MSRA: variants seen among roughly 807,000 people sequenced by gnomAD.
MSRA encodes methionine sulfoxide reductase A.
In MSRA, 54 loss-of-function variants were observed where a neutral mutation model predicts 31.3. The ratio of observed to expected loss-of-function variants is 1.73; its 90% CI spans 1.39 to 2.17. The LOEUF (loss-of-function observed/expected upper bound fraction) is 2.17, where lower values mean the gene tolerates loss of function less well. Among genes scored for constraint, MSRA ranks in the 30% most tolerant of loss-of-function variants. The probability of loss-of-function intolerance (pLI) is 0.00; values close to 1 mark genes in which losing one functional copy is unlikely to be tolerated. For missense variants in MSRA, 507 were observed against 300.9 expected (o/e 1.69, Z -5.07); for synonymous variants, 169 against 116.5 (o/e 1.45, Z -2.90).
intron 1 of MSRA, among the ~76,000 whole-genome samples, chr8:10,070,658 C>T (rs952616133): frequency 6.6e-6 from 1 of 152,218 alleles, no homozygotes; most frequent in Non-Finnish European, 1.5e-5. Context: ...CCTTCTTCCT[C>T]ACCCCCTGCC....
intron 5 of MSRA, among the ~76,000 whole-genome samples, chr8:10,334,306 C>G (rs1359472429): frequency 1.3e-5 from 2 of 151,982 alleles, no homozygotes; most frequent in Non-Finnish European, 1.5e-5. Flanking sequence ...AGCATTTCAG[C>G]TAGGGTAGGG....
At chr8:10,225,466 C>G (rs901015108) in intron 2 of MSRA, among the ~76,000 whole-genome samples, 2 of 152,180 alleles carry the variant, frequency 1.3e-5, no homozygotes, top group African/African-American at 4.8e-5. Flanking sequence ...AATATAAATA[C>G]TTGTTAGATG....
intron 5 of MSRA, among the ~76,000 whole-genome samples, chr8:10,410,546 A>AC (rs746765616): frequency 6.6e-6 from 1 of 152,202 alleles, no homozygotes; most frequent in Non-Finnish European, 1.5e-5. Flanking sequence ...CTTCCTCAAA[A>AC]CAGCACTGAG....
chr8:10,358,199 G>A lies in MSRA; in HGVS notation c.543+38210G>A, dbSNP rs536784756. Among the ~76,000 whole-genome samples, 12 of 152,304 alleles carry A rather than the reference G, an allele frequency of 7.9e-5. No individual in the cohort carries two copies. The South Asian group carries it at 2.5e-3, about 32-fold the overall frequency. On this transcript the variant is annotated intron_variant, in intron 5 of 5. Coordinates refer to ENST00000317173, the MANE Select transcript of MSRA (RefSeq NM_012331.5). ...CCACCTTGGCCTCCCAAAGTGCTGG[G>A]ATTGCAGGTGTGAGCCACCATGCCT...
intron 1 of MSRA, among the ~76,000 whole-genome samples, chr8:10,169,315 C>G (rs1179603812): frequency 6.6e-6 from 1 of 152,190 alleles, no homozygotes; most frequent in East Asian, 1.9e-4. Flanking sequence ...CTTGCCTTAA[C>G]TGAGGGAAGT....
chr8:10,151,470 C>T (rs1416956880), intron 1 of MSRA, among the ~76,000 whole-genome samples: 2 of 151,506 alleles, frequency 1.3e-5, no homozygotes, highest in African/African-American at 2.4e-5. Flanking sequence ...GGTGAAACCC[C>T]GTCTCTACTA....
At chr8:10,309,235 TC>T in intron 4 of MSRA, among the ~76,000 whole-genome samples, 1 of 152,382 alleles carries the variant, frequency 6.6e-6, no homozygotes, top group African/African-American at 2.4e-5. Flanking sequence ...TTAAATGTTT[TC>T]TCGTTGAACT....
At chr8:10,265,735 C>T (rs988604106) in intron 3 of MSRA, among the ~76,000 whole-genome samples, 11 of 152,234 alleles carry the variant, frequency 7.2e-5, no homozygotes, top group African/African-American at 1.9e-4. Flanking sequence ...AAAGTTACCT[C>T]GCATGCCTTC....
intron 5 of MSRA, among the ~76,000 whole-genome samples, chr8:10,421,013 C>G (rs775623187): frequency 3.0e-4 from 45 of 152,204 alleles, no homozygotes; most frequent in Non-Finnish European, 4.9e-4. Context: ...CAAACCACCA[C>G]CAAAAACCAA....
intron 5 of MSRA, among the ~76,000 whole-genome samples, chr8:10,325,785 C>T (rs1026180560): frequency 6.6e-6 from 1 of 152,184 alleles, no homozygotes; most frequent in Non-Finnish European, 1.5e-5. Flanking sequence ...CTGCTTTATT[C>T]ACTGAGGGAA....
chr8:10,160,488 C>G (rs572644942), intron 1 of MSRA, among the ~76,000 whole-genome samples: 7 of 150,590 alleles, frequency 4.6e-5, no homozygotes, highest in African/African-American at 1.7e-4. Flanking sequence ...GAGCGAGACT[C>G]CATCTAAAAA....
At chr8:10,158,162 C>A (rs76235194) in intron 1 of MSRA, among the ~76,000 whole-genome samples, 4,734 of 152,272 alleles carry the variant, frequency 0.031, 138 homozygotes, top group African/African-American at 0.068. Flanking sequence ...ATCCTCATGA[C>A]TGACTAATAA....
At chr8:10,065,836 C>T (rs988044242) in intron 1 of MSRA, among the ~76,000 whole-genome samples, 2 of 152,158 alleles carry the variant, frequency 1.3e-5, no homozygotes, top group Middle Eastern at 3.4e-3. Flanking sequence ...GGAACACAGT[C>T]GCCCTGCTAT....
chr8:10,325,556 T>G (rs1393380961), intron 5 of MSRA, among the ~76,000 whole-genome samples: 1 of 152,240 alleles, frequency 6.6e-6, no homozygotes, highest in Non-Finnish European at 1.5e-5. Context: ...TATGAGGCCC[T>G]TTTAAGTTTT....
intron 3 of MSRA, among the ~76,000 whole-genome samples, chr8:10,274,080 G>T (rs962771537): frequency 6.6e-6 from 1 of 152,158 alleles, no homozygotes; most frequent in African/African-American, 2.4e-5. Context: ...ACAGGGGTTA[G>T]CATCAAGGCA....
chr8:10,300,857 C>G (rs1474003336), intron 3 of MSRA, among the ~76,000 whole-genome samples: 1 of 152,094 alleles, frequency 6.6e-6, no homozygotes, highest in Admixed American at 6.5e-5. Flanking sequence ...CACCCCTGAT[C>G]CACCAAACCT....
chr8:10,389,187 G>A (rs1806580617), intron 5 of MSRA, among the ~76,000 whole-genome samples: 1 of 152,136 alleles, frequency 6.6e-6, no homozygotes, highest in Admixed American at 6.5e-5. Context: ...GTTTCTCTGT[G>A]GAAAAGGACC....
At chr8:10,183,285 C>T (rs1294690370) in intron 1 of MSRA, among the ~76,000 whole-genome samples, 2 of 152,194 alleles carry the variant, frequency 1.3e-5, no homozygotes, top group Non-Finnish European at 2.9e-5. Flanking sequence ...AGGCTTAGGA[C>T]CAAGGCTGTG....
chr8:10,281,395 G>T (rs1799614910), intron 3 of MSRA, among the ~76,000 whole-genome samples: 1 of 152,186 alleles, frequency 6.6e-6, no homozygotes, highest in African/African-American at 2.4e-5. Context: ...GAATGGAGAA[G>T]GCTGACATGA....
Sources: allele counts gnomAD v4.1 joint callset (sites outside exome capture counted in the v4.1 genomes callset), GRCh38; gene constraint gnomAD v4.1.1; transcripts MANE v1.5; gene names NCBI Gene and HGNC (gene_info 2026-07-23, HGNC 2026-07-21).